MPDZ: variants seen among roughly 807,000 people sequenced by gnomAD.
The protein encoded by MPDZ is multiple PDZ domain protein.
A neutral mutation model predicts 239.1 loss-of-function variants in MPDZ; 234 were observed. The ratio of observed to expected loss-of-function variants is 0.98; its 90% CI spans 0.88 to 1.09. The LOEUF (loss-of-function observed/expected upper bound fraction) is 1.09, where lower values mean the gene tolerates loss of function less well. MPDZ is among the 50% of genes least tolerant of loss of function. The pLI is 0.00. For synonymous variants in MPDZ, 1,048 were observed against 881.3 expected (o/e 1.19, Z -3.35); for missense variants, 3,175 against 2,510.0 (o/e 1.26, Z -5.66).
chr9:13,173,092 T>C (rs1043319121), intron 21 of MPDZ, among the ~76,000 whole-genome samples: 2 of 152,150 alleles, frequency 1.3e-5, no homozygotes, highest in Non-Finnish European at 2.9e-5. Flanking sequence ...GAAAAATGAA[T>C]GGTAGTTGAC....
chr9:13,134,645 G>A (rs1038012838), intron 31 of MPDZ: 9 of 152,116 alleles, frequency 5.9e-5, no homozygotes, highest in East Asian at 1.9e-4. Flanking sequence ...TGTATCCAAA[G>A]CTTTCCTAAA....
intron 6 of MPDZ, among the ~76,000 whole-genome samples, chr9:13,221,849 C>T (rs1959146507): frequency 6.6e-6 from 1 of 151,724 alleles, no homozygotes; most frequent in African/African-American, 2.4e-5. Flanking sequence ...CTGCATAATC[C>T]TGCCTTGAGG....
intron 12 of MPDZ, among the ~76,000 whole-genome samples, chr9:13,204,053 T>A (rs1956715708): frequency 6.6e-6 from 1 of 152,160 alleles, no homozygotes; most frequent in Admixed American, 6.6e-5. Flanking sequence ...AATATCCCTT[T>A]AAAATTGTAA....
rs1228667587 is a variant in MPDZ at position 13,268,876 on chromosome 9, T to TG, written c.-58+10523dup. 2.6e-5 allele frequency among the ~76,000 whole-genome samples: 4 copies of TG among 152,230 alleles called. No homozygotes were observed. In the East Asian group the frequency reaches 5.8e-4, roughly 22 times the overall value. On this transcript the variant is annotated intron_variant, in intron 1 of 46. Coordinates refer to ENST00000319217, the MANE Select transcript of MPDZ (RefSeq NM_001378778.1). ...GGCATGCTGGACCATGCAGGGACAT[T>TG]GGGGAGGGAGTTTGGAGGGTACAGG...
At chr9:13,186,504 A>C in intron 17 of MPDZ, 118 bp from the exon 18 acceptor site, 1 of 673,788 alleles carries the variant, frequency 1.5e-6, no homozygotes. Context: ...GAAATTGGAA[A>C]GTTTTCAAAC....
Position 13,266,039 on chromosome 9 carries a change from G to A in MPDZ, c.-58+13361C>T, listed in dbSNP as rs112621073. On this transcript the variant is annotated intron_variant, in intron 1 of 46. Transcript: ENST00000319217. ...ATTACCATTTCAAATGGCTTCTCCC[G>A]TCCTGGAATCTTTTCTACAAAAATT... Among the ~76,000 whole-genome samples the A allele has an allele frequency of 8.7e-3, 1,321 of 152,058 alleles. 6 individuals carry two copies. Among genetic ancestry groups the A allele is most frequent in the Admixed American group, 0.013 (205 of 15,266 alleles).
intron 30 of MPDZ, 143 bp from the exon 31 acceptor site, chr9:13,136,325 C>G (rs7044796): frequency 5.7e-5 from 9 of 156,692 alleles, no homozygotes; most frequent in Middle Eastern, 2.5e-3. Flanking sequence ...CAAACGTTTT[C>G]TTTTTTTTTT....
intron 1 of MPDZ, among the ~76,000 whole-genome samples, chr9:13,252,712 G>C (rs1968418265): frequency 6.6e-6 from 1 of 152,080 alleles, no homozygotes; most frequent in Non-Finnish European, 1.5e-5. Flanking sequence ...AGCTGGGCGT[G>C]GTGCATGTGC....
At chr9:13,199,442 C>A (rs1055767087) in intron 12 of MPDZ, among the ~76,000 whole-genome samples, 1 of 151,942 alleles carries the variant, frequency 6.6e-6, no homozygotes, top group Admixed American at 6.6e-5. Context: ...ATTTTATCTG[C>A]AAATAAGGAC....
chr9:13,157,172 T>G (rs1949930368), intron 24 of MPDZ, among the ~76,000 whole-genome samples: 1 of 152,236 alleles, frequency 6.6e-6, no homozygotes, highest in Admixed American at 6.5e-5. Context: ...TTATTCACTA[T>G]GTAACAAATA....
At chr9:13,229,902 T>C (rs1477359186) in intron 3 of MPDZ, among the ~76,000 whole-genome samples, 1 of 152,052 alleles carries the variant, frequency 6.6e-6, no homozygotes, top group African/African-American at 2.4e-5. Context: ...GTGGTAAAAG[T>C]ACTAATTAAA....
chr9:13,193,365 T>C (rs893663856), intron 13 of MPDZ, 52 bp from the exon 14 acceptor site: 42 of 1,539,994 alleles, frequency 2.7e-5, no homozygotes, highest in Non-Finnish European at 3.5e-5. Context: ...TTTTTATTTT[T>C]ACTCATGCAC....
At chr9:13,204,182 G>C (rs1252607402) in intron 12 of MPDZ, among the ~76,000 whole-genome samples, 1 of 152,152 alleles carries the variant, frequency 6.6e-6, no homozygotes, top group Non-Finnish European at 1.5e-5. Flanking sequence ...CTTGTATTCT[G>C]TTCAGTGAGT....
intron 19 of MPDZ, among the ~76,000 whole-genome samples, chr9:13,178,560 A>G (rs1169818902): frequency 6.6e-6 from 1 of 152,202 alleles, no homozygotes; most frequent in Non-Finnish European, 1.5e-5. Flanking sequence ...AATGCAATTC[A>G]GTTCTAATCA....
Position 13,168,468 on chromosome 9 carries a change from C to T in MPDZ, c.3152G>A (p.Gly1051Glu), listed in dbSNP as rs1416015270. ...TTCATTAATGGACAAGATGCAGTCC[C>T]CAATGGCAATCCGGCCATCTCGACT... ...AISRDGRIAIGDCILSINEES... is the reference protein window; with the variant it reads ...AISRDGRIAIEDCILSINEES... Residue 1051 changes from glycine (G) to glutamate (E), a missense_variant, in exon 22 of 47, where the codon GGG (glycine) becomes GAG (glutamate). By Grantham distance (98) the Gly-to-Glu change is moderately conservative. Transcript: ENST00000319217. The T allele has an allele frequency of 1.9e-6, 3 of 1,613,346 alleles. No homozygotes were observed. The highest frequency in any genetic ancestry group is 2.5e-6 in the Non-Finnish European group (3 of 1,179,576).
At chr9:13,252,501 G>A (rs900451403) in intron 1 of MPDZ, among the ~76,000 whole-genome samples, 12 of 150,708 alleles carry the variant, frequency 8.0e-5, no homozygotes, top group Admixed American at 7.3e-4. Context: ...GGGAGGCGGA[G>A]GTTGCAGTGA....
intron 21 of MPDZ, among the ~76,000 whole-genome samples, chr9:13,173,629 C>A (rs1952072691): frequency 6.6e-6 from 1 of 151,346 alleles, no homozygotes; most frequent in Non-Finnish European, 1.5e-5. Flanking sequence ...TGCTTGAACT[C>A]AGGAGACGGA....
At chr9:13,244,921 G>A (rs967775977) in intron 3 of MPDZ, among the ~76,000 whole-genome samples, 18 of 152,016 alleles carry the variant, frequency 1.2e-4, no homozygotes, top group African/African-American at 4.4e-4. Context: ...AAAAAAACAG[G>A]AGACTGATGG....
chr9:13,257,254 T>A (rs1309001208), intron 1 of MPDZ, among the ~76,000 whole-genome samples: 1 of 152,166 alleles, frequency 6.6e-6, no homozygotes, highest in Non-Finnish European at 1.5e-5. Context: ...TTTATACACG[T>A]TCCATCATGC....
Sources: gnomAD v4.1 joint callset for allele counts (sites outside exome capture counted in the v4.1 genomes callset) on GRCh38, gnomAD v4.1.1 for gene constraint, MANE v1.5 for transcripts, NCBI Gene and HGNC (gene_info 2026-07-23, HGNC 2026-07-21) for gene names.